The following ZFAND4 variants were observed in gnomAD, a reference collection of about 807,000 sequenced individuals.
ZFAND4 encodes the protein AN1-type zinc finger protein 4.
ZFAND4 carries 43 observed loss-of-function variants against 64.4 expected under a neutral mutation model. The observed-to-expected ratio is 0.67, with a 90% CI of 0.52 to 0.86. ZFAND4 has a LOEUF of 0.86. Ranked by LOEUF, ZFAND4 falls within the 40% of genes least tolerant of loss-of-function variation. The pLI is 0.00. For synonymous variants in ZFAND4, 296 were observed against 305.7 expected (o/e 0.97, Z 0.33); for missense variants, 929 against 859.8 (o/e 1.08, Z -1.01).
intron 2 of ZFAND4, among the ~76,000 whole-genome samples, chr10:45,654,940 G>C (rs1186939712): frequency 1.3e-5 from 2 of 152,018 alleles, no homozygotes; most frequent in African/African-American, 4.8e-5. Flanking sequence ...CACTAGACAG[G>C]TCATCAAGCC....
At chr10:45,646,871 G>C (rs1203702717) in intron 5 of ZFAND4, among the ~76,000 whole-genome samples, 3 of 152,192 alleles carry the variant, frequency 2.0e-5, no homozygotes. Context: ...TTCTTGCCCA[G>C]GGTTTATGCC....
At chr10:45,662,237 C>G (rs192504095) in intron 2 of ZFAND4, among the ~76,000 whole-genome samples, 1 of 152,112 alleles carries the variant, frequency 6.6e-6, no homozygotes, top group African/African-American at 2.4e-5. Context: ...ACCAAAAAGC[C>G]ACTGCTTTTG....
chr10:45,657,036 A>G (rs1333144528), intron 2 of ZFAND4, among the ~76,000 whole-genome samples: 1 of 145,886 alleles, frequency 6.9e-6, no homozygotes. Flanking sequence ...TTTTTTTGAG[A>G]CAGGGTCTCA....
chr10:45,651,816 G>A, intron 4 of ZFAND4, 150 bp downstream of exon 4: 2 of 704,354 alleles, frequency 2.8e-6, no homozygotes, highest in Non-Finnish European at 4.9e-6. Context: ...AGGCATTTAG[G>A]TTTTAAAGAA....
At chr10:45,660,173 A>G (rs978938086) in intron 2 of ZFAND4, among the ~76,000 whole-genome samples, 9 of 151,708 alleles carry the variant, frequency 5.9e-5, no homozygotes, top group Non-Finnish European at 7.4e-5. Context: ...AAAAAAAAAA[A>G]AAAAAGAAAA....
intron 6 of ZFAND4, 36 bp from the exon 7 acceptor site, chr10:45,627,141 C>T: frequency 4.7e-6 from 7 of 1,487,050 alleles, no homozygotes; most frequent in Middle Eastern, 1.8e-4. Context: ...TTTACACAGT[C>T]GTTTTCTCTG....
At chr10:45,625,109 C>A (rs1247517709) in intron 7 of ZFAND4, among the ~76,000 whole-genome samples, 3 of 146,798 alleles carry the variant, frequency 2.0e-5, no homozygotes, top group Non-Finnish European at 4.5e-5. Context: ...CCCTGGAGGT[C>A]AAGGCTGCAG....
chr10:45,623,956 G>A (rs2133548875), intron 8 of ZFAND4, among the ~76,000 whole-genome samples: 1 of 152,272 alleles, frequency 6.6e-6, no homozygotes, highest in South Asian at 2.1e-4. Context: ...AGGCTACAAA[G>A]GTGGCACATC....
rs115595932 is a variant in ZFAND4, at chr10:45,646,703, C to T, written c.569+1591G>A. Among the ~76,000 whole-genome samples, 707 of 152,242 alleles carry T rather than the reference C, an allele frequency of 4.6e-3. 5 individuals are homozygous for T. Among genetic ancestry groups the T allele is most frequent in the African/African-American group, 0.016 (666 of 41,530 alleles). Reference sequence around the variant, plus strand: ...GTAACACGTTGTCAAAGGACTCATACGCTAAGCTGAGGAGCTTGGGTTTCC... The same window carrying T: ...GTAACACGTTGTCAAAGGACTCATATGCTAAGCTGAGGAGCTTGGGTTTCC... On this transcript the variant is annotated intron_variant, in intron 5 of 9. Transcript: ENST00000344646.
Position 45,648,414 on chromosome 10 carries a change from T to G in ZFAND4, c.449A>C (p.Gln150Pro), listed in dbSNP as rs1196816104. 1 of 1,613,940 alleles carries G rather than the reference T, an allele frequency of 6.2e-7. No homozygotes were observed. Among genetic ancestry groups the G allele is most frequent in the Non-Finnish European group, 8.5e-7 (1 of 1,179,988 alleles). Residue 150 changes from glutamine to proline, a missense_variant, in exon 5 of 10, where the codon CAA (glutamine) becomes CCA (proline). Physicochemically the swap from Gln to Pro is moderately conservative, Grantham distance 76 (BLOSUM62 -1). Coordinates refer to ENST00000344646, the MANE Select transcript of ZFAND4 (RefSeq NM_174890.4). ...VTFLVYQEGD[Q>P]LNFFPAVDRG... is the part of the protein sequence containing the mutation. ...ATCTACTGCAGGAAAGAAATTCAAT[T>G]GATCTCCTTCTTGGTATACCAAAAA...
intron 6 of ZFAND4, among the ~76,000 whole-genome samples, chr10:45,633,542 G>GAAAAGA: frequency 6.7e-6 from 1 of 149,258 alleles, no homozygotes; most frequent in Non-Finnish European, 1.5e-5. Context: ...AACAAGAAAA[G>GAAAAGA]AAAAGAAAAA....
chr10:45,669,550 T>C (rs1254555226), intron 1 of ZFAND4, among the ~76,000 whole-genome samples: 2 of 152,204 alleles, frequency 1.3e-5, no homozygotes, highest in Admixed American at 6.5e-5. Flanking sequence ...ATCATCCTGA[T>C]ACCAAAGCCT....
chr10:45,659,350 T>C (rs73292836), intron 2 of ZFAND4, among the ~76,000 whole-genome samples: 3,576 of 152,276 alleles, frequency 0.023, 137 homozygotes, highest in African/African-American at 0.08. Flanking sequence ...ACGGAAAGAA[T>C]TGTAAGACGC....
Position 45,626,037 on chromosome 10 carries a change from T to C in ZFAND4, c.1786A>G (p.Thr596Ala). Residue 596 changes from threonine to alanine, a missense_variant, in exon 7 of 10, where the codon ACT (threonine) becomes GCT (alanine). Physicochemically the swap from Thr to Ala is moderately conservative, Grantham distance 58. Coordinates refer to ENST00000344646, the MANE Select transcript of ZFAND4 (RefSeq NM_174890.4). ...RGAGRLQNSG[T>A]GLSTNLQHFQ... is the part of the protein sequence containing the mutation. ...TGCTGGAGGTTTGTAGACAGCCCAG[T>C]TCCAGAGTTCTGAAGCCTGCCTGCC... is the stretch of plus-strand genomic sequence containing the variant. 1 of 1,614,144 alleles carries C rather than the reference T, an allele frequency of 6.2e-7. No individual in the cohort carries two copies. The highest frequency in any genetic ancestry group is 1.1e-5 in the South Asian group (1 of 91,084).
At chr10:45,617,672 A>C (rs1013150939) in intron 9 of ZFAND4, 1 of 152,042 alleles carries the variant, frequency 6.6e-6, no homozygotes, top group African/African-American at 2.4e-5. Context: ...CAGACATCCA[A>C]GATAATATGA....
intron 1 of ZFAND4, among the ~76,000 whole-genome samples, chr10:45,670,336 C>G (rs2049096983): frequency 6.6e-6 from 1 of 151,854 alleles, no homozygotes. Context: ...AAGTGATTCT[C>G]CTGCCTCAGC....
At chr10:45,631,399 A>C (rs1426981059) in intron 6 of ZFAND4, among the ~76,000 whole-genome samples, 3 of 152,172 alleles carry the variant, frequency 2.0e-5, no homozygotes, top group Non-Finnish European at 2.9e-5. Flanking sequence ...AATTCTAAGA[A>C]ATAATCCTGA....
chr10:45,660,467 A>G (rs1346992674), intron 2 of ZFAND4, among the ~76,000 whole-genome samples: 1 of 152,238 alleles, frequency 6.6e-6, no homozygotes, highest in Non-Finnish European at 1.5e-5. Context: ...GTGCCACTAG[A>G]ATATCAGAAG....
At chr10:45,634,987 T>C (rs945055750) in intron 6 of ZFAND4, among the ~76,000 whole-genome samples, 2 of 151,660 alleles carry the variant, frequency 1.3e-5, no homozygotes, top group Non-Finnish European at 2.9e-5. Context: ...CTATAAAACA[T>C]TGGACGACAC....
Sources: gnomAD v4.1 joint callset for allele counts (sites outside exome capture counted in the v4.1 genomes callset) on GRCh38, gnomAD v4.1.1 for gene constraint, MANE v1.5 for transcripts, NCBI Gene and HGNC (gene_info 2026-07-23, HGNC 2026-07-21) for gene names.